The following RSPO2 variants were observed in gnomAD, a reference collection of about 807,000 sequenced individuals.
The protein encoded by RSPO2 is R-spondin-2.
Under a neutral mutation model 30.9 loss-of-function variants are expected in RSPO2, and 14 were observed. The ratio of observed to expected loss-of-function variants is 0.45; its 90% CI spans 0.30 to 0.71. The LOEUF is 0.71. Ranked by LOEUF, RSPO2 falls within the 30% of genes least tolerant of loss-of-function variation. The pLI is 0.08. For missense variants in RSPO2, 264 were observed against 301.9 expected (o/e 0.87, Z 0.93); for synonymous variants, 107 against 96.4 (o/e 1.11, Z -0.64).
intron 5 of RSPO2, among the ~76,000 whole-genome samples, chr8:107,949,651 T>A (rs1813178687): frequency 6.6e-6 from 1 of 152,148 alleles, no homozygotes; most frequent in East Asian, 1.9e-4. Context: ...TTCTCACTTG[T>A]AAGTAGGAGA....
chr8:108,064,439 CCAT>C (rs1563587380), intron 2 of RSPO2, among the ~76,000 whole-genome samples: 1 of 152,146 alleles, frequency 6.6e-6, no homozygotes, highest in Non-Finnish European at 1.5e-5. Context: ...TCATCACTGG[CCAT>C]CAGAGAAATG....
At chr8:107,996,548 G>T (rs189455609) in intron 2 of RSPO2, among the ~76,000 whole-genome samples, 10 of 152,252 alleles carry the variant, frequency 6.6e-5, no homozygotes, top group Admixed American at 2.0e-4. Flanking sequence ...ATTCTGGAAG[G>T]TTTACAAGTA....
intron 3 of RSPO2, among the ~76,000 whole-genome samples, chr8:107,984,339 C>A (rs1814555719): frequency 6.6e-6 from 1 of 152,170 alleles, no homozygotes; most frequent in African/African-American, 2.4e-5. Context: ...AATGATAATG[C>A]AAAACCTAAA....
chr8:108,040,055 G>T, intron 2 of RSPO2, among the ~76,000 whole-genome samples: 1 of 152,224 alleles, frequency 6.6e-6, no homozygotes, highest in South Asian at 2.1e-4. Context: ...CTGCTTACAA[G>T]CCACCTAGTC....
At chr8:107,937,091 AT>A (rs930838218) in intron 5 of RSPO2, among the ~76,000 whole-genome samples, 1 of 143,744 alleles carries the variant, frequency 7.0e-6, no homozygotes, top group African/African-American at 2.5e-5. Flanking sequence ...TGTTTTCCCT[AT>A]TTTTTTACTA....
intron 2 of RSPO2, among the ~76,000 whole-genome samples, chr8:108,004,410 G>A (rs1815381237): frequency 6.6e-6 from 1 of 152,162 alleles, no homozygotes; most frequent in South Asian, 2.1e-4. Flanking sequence ...TGGCTAAGGG[G>A]CCTTTGAAGT....
At chr8:108,036,571 T>C (rs1168272567) in intron 2 of RSPO2, among the ~76,000 whole-genome samples, 1 of 152,224 alleles carries the variant, frequency 6.6e-6, no homozygotes, top group Non-Finnish European at 1.5e-5. Context: ...CTTTACCCAT[T>C]TGTCCCACAA....
intron 5 of RSPO2, among the ~76,000 whole-genome samples, chr8:107,913,049 T>C (rs1811870626): frequency 6.6e-6 from 1 of 152,162 alleles, no homozygotes; most frequent in Non-Finnish European, 1.5e-5. Context: ...AACATTCATA[T>C]AATCAAAGAA....
chr8:107,938,889 C>T (rs1405763479), intron 5 of RSPO2, among the ~76,000 whole-genome samples: 1 of 152,102 alleles, frequency 6.6e-6, no homozygotes, highest in African/African-American at 2.4e-5. Context: ...CAAATGCTAC[C>T]CACATTTTGC....
At chr8:107,969,551 T>A (rs1813926972) in intron 3 of RSPO2, among the ~76,000 whole-genome samples, 1 of 152,202 alleles carries the variant, frequency 6.6e-6, no homozygotes, top group Non-Finnish European at 1.5e-5. Context: ...CGAGGAACTC[T>A]GAAAATACTG....
intron 2 of RSPO2, among the ~76,000 whole-genome samples, chr8:108,043,021 CA>C (rs936179116): frequency 1.3e-5 from 2 of 151,234 alleles, no homozygotes; most frequent in African/African-American, 4.9e-5. Context: ...CCTGAGTATA[CA>C]AAAAAAACAA....
intron 2 of RSPO2, among the ~76,000 whole-genome samples, chr8:108,051,275 C>G (rs1249156974): frequency 6.6e-6 from 1 of 151,938 alleles, no homozygotes; most frequent in Non-Finnish European, 1.5e-5. Context: ...CTGGCAGTCA[C>G]CAAGTTGAGA....
At chr8:107,992,537 T>A (rs1238592137) in intron 2 of RSPO2, among the ~76,000 whole-genome samples, 4 of 152,050 alleles carry the variant, frequency 2.6e-5, no homozygotes, top group Non-Finnish European at 4.4e-5. Context: ...AAACCTGCAC[T>A]TGTACCCGTG....
chr8:107,903,646 A>G (rs1393450205), intron 5 of RSPO2, among the ~76,000 whole-genome samples: 2 of 152,130 alleles, frequency 1.3e-5, no homozygotes, highest in African/African-American at 4.8e-5. Flanking sequence ...TTTAACTTGT[A>G]CAATTACTCT....
chr8:108,082,747 G>T lies in RSPO2; in HGVS notation c.-109C>A. Reference sequence around the variant, plus strand: ...CTGGGGAGGACTCAGAGGGAGACTCGCCACTCACCCCCGGGCCGCACCGGT... The same window carrying T: ...CTGGGGAGGACTCAGAGGGAGACTCTCCACTCACCCCCGGGCCGCACCGGT... On this transcript the variant is annotated 5_prime_UTR_variant, in exon 2 of 6. Transcript: ENST00000276659. The T allele has an allele frequency of 2.5e-6, 2 of 814,194 alleles. No individual in the cohort carries two copies. Among genetic ancestry groups the T allele is most frequent in the Non-Finnish European group, 4.0e-6 (2 of 498,362 alleles). 50.4% of individuals were successfully genotyped at this position (814,194 alleles called of 1,614,324 possible).
Position 107,981,796 on chromosome 8 carries a change from A to C in RSPO2, c.283+7260T>G, listed in dbSNP as rs1412025664. 6.6e-5 allele frequency among the ~76,000 whole-genome samples: 10 copies of C among 152,194 alleles called. No homozygotes were observed. In the South Asian group the frequency reaches 2.1e-3, roughly 32 times the overall value. ...GATTGTTTCAGGCCAGGAGTTAGAA[A>C]CCAGCCAACATGGCAAGACTTCATC... On this transcript the variant is annotated intron_variant, in intron 3 of 5. Transcript: ENST00000276659.
chr8:107,954,760 A>T (rs940278477), intron 5 of RSPO2, among the ~76,000 whole-genome samples: 1 of 151,954 alleles, frequency 6.6e-6, no homozygotes, highest in African/African-American at 2.4e-5. Context: ...ACAGGCACCC[A>T]CCACCATGCC....
At chr8:107,939,892 A>T (rs1181431199) in intron 5 of RSPO2, among the ~76,000 whole-genome samples, 2 of 152,098 alleles carry the variant, frequency 1.3e-5, no homozygotes, top group Non-Finnish European at 2.9e-5. Context: ...GCTCCTAAAA[A>T]TTTATAGTTG....
chr8:107,981,993 GCAACAA>G (rs1253745541), intron 3 of RSPO2, among the ~76,000 whole-genome samples: 1 of 103,688 alleles, frequency 9.6e-6, no homozygotes, highest in African/African-American at 3.8e-5. Flanking sequence ...CTATGACTGT[GCAACAA>G]CAACAACAAC....
Sources: gnomAD v4.1 joint callset for allele counts (sites outside exome capture counted in the v4.1 genomes callset) on GRCh38, gnomAD v4.1.1 for gene constraint, MANE v1.5 for transcripts, NCBI Gene and HGNC (gene_info 2026-07-23, HGNC 2026-07-21) for gene names.